The following FARS2 variants were observed in gnomAD, a reference collection of about 807,000 sequenced individuals.
FARS2 encodes the protein phenylalanyl-tRNA synthetase 2, mitochondrial.
Under a neutral mutation model 46.4 loss-of-function variants are expected in FARS2, and 40 were observed. The ratio of observed to expected loss-of-function variants is 0.86; its 90% CI spans 0.67 to 1.12. The LOEUF is 1.12. FARS2 is among the 50% of genes most tolerant of loss of function. The pLI is 0.00. For synonymous variants in FARS2, 234 were observed against 214.9 expected (o/e 1.09, Z -0.78); for missense variants, 513 against 567.9 (o/e 0.90, Z 0.98).
chr6:5,676,769 T>C (rs1330466158), intron 6 of FARS2, among the ~76,000 whole-genome samples: 1 of 152,230 alleles, frequency 6.6e-6, no homozygotes, highest in African/African-American at 2.4e-5. Context: ...AAAATCTTGG[T>C]AGTCAATCTC....
intron 2 of FARS2, among the ~76,000 whole-genome samples, chr6:5,370,471 G>A (rs1238191612): frequency 6.6e-6 from 1 of 152,078 alleles, no homozygotes; most frequent in East Asian, 1.9e-4. Context: ...GATGAATAAA[G>A]ACAGGTCAAA....
chr6:5,531,862 G>A (rs1216791234), intron 4 of FARS2, among the ~76,000 whole-genome samples: 1 of 152,116 alleles, frequency 6.6e-6, no homozygotes, highest in African/African-American at 2.4e-5. Flanking sequence ...ACCTTTCTAG[G>A]CCTGCTTCTG....
chr6:5,742,288 C>G (rs1164731677), intron 6 of FARS2, among the ~76,000 whole-genome samples: 2 of 152,220 alleles, frequency 1.3e-5, no homozygotes, highest in Non-Finnish European at 2.9e-5. Flanking sequence ...GCTTAACTCC[C>G]ATCTCTTACT....
At chr6:5,609,368 T>C (rs746070588) in intron 5 of FARS2, 123 of 1,261,268 alleles carry the variant, frequency 9.8e-5, no homozygotes, top group Non-Finnish European at 1.3e-4. Context: ...CCTTCATGGG[T>C]CCAAAATTTG....
chr6:5,736,616 A>G (rs1227183004), intron 6 of FARS2, among the ~76,000 whole-genome samples: 1 of 152,172 alleles, frequency 6.6e-6, no homozygotes, highest in East Asian at 1.9e-4. Flanking sequence ...AGCTCAACTG[A>G]TAGTAGTTTA....
chr6:5,693,971 A>C lies in FARS2; in HGVS notation c.1218-77320A>C, dbSNP rs139929123. Among the ~76,000 whole-genome samples, 875 of 152,334 alleles carry C rather than the reference A, an allele frequency of 5.7e-3. 11 individuals are homozygous for C. The highest frequency in any genetic ancestry group is 0.02 in the African/African-American group (842 of 41,570). ...TCCACCGCCCTCTACTAGCGGGAGC[A>C]GTCATAAAAGCCCACCCATTTTCAA... On this transcript the variant is annotated intron_variant, in intron 6 of 6. Transcript: ENST00000274680.
intron 1 of FARS2, among the ~76,000 whole-genome samples, chr6:5,292,531 A>G (rs1429847945): frequency 1.3e-5 from 2 of 152,336 alleles, no homozygotes; most frequent in East Asian, 3.9e-4. Context: ...GAAGAGAAGG[A>G]AGACTAAAGG....
At position 5,743,481 on chromosome 6, in the gene FARS2, G is replaced by A. The variant is rs545251217; in HGVS notation, c.1218-27810G>A. On this transcript the variant is annotated intron_variant, in intron 6 of 6. Transcript: ENST00000274680. Reference sequence around the variant, plus strand: ...TACAGGAGCACTTCCTAGTTTTGTCGTCCCTTTGCAACTGTATAGAACAGC... The same window carrying A: ...TACAGGAGCACTTCCTAGTTTTGTCATCCCTTTGCAACTGTATAGAACAGC... 3.0e-4 allele frequency among the ~76,000 whole-genome samples: 45 copies of A among 152,304 alleles called. 1 individual carries two copies. The South Asian group carries it at 8.7e-3, about 29-fold the overall frequency.
rs372724634 is a variant in FARS2 at position 5,437,743 on chromosome 6, AT to A, written c.904+6573del. On this transcript the variant is annotated intron_variant, in intron 4 of 6. Transcript: ENST00000274680. ...ATCTACATACATTGAAAACCTCGTG[AT>A]TCAATGTTACACTTTTCCTTTAAGG... is the stretch of plus-strand genomic sequence containing the variant. Among the ~76,000 whole-genome samples, 60 of 152,202 alleles carry A rather than the reference AT, an allele frequency of 3.9e-4. 1 individual carries two copies. The highest frequency in any genetic ancestry group is 1.4e-3 in the African/African-American group (59 of 41,552).
intron 2 of FARS2, among the ~76,000 whole-genome samples, chr6:5,370,046 G>A (rs548790835): frequency 6.6e-6 from 1 of 152,150 alleles, no homozygotes; most frequent in African/African-American, 2.4e-5. Flanking sequence ...TACTTCCTTA[G>A]CAATGTCCCT....
chr6:5,529,703 G>A (rs1769701447), intron 4 of FARS2, among the ~76,000 whole-genome samples: 1 of 152,200 alleles, frequency 6.6e-6, no homozygotes, highest in Non-Finnish European at 1.5e-5. Flanking sequence ...GCTTCTCACA[G>A]CCTTTTTAAT....
chr6:5,387,147 T>A (rs1288965866), intron 2 of FARS2, among the ~76,000 whole-genome samples: 2 of 152,152 alleles, frequency 1.3e-5, no homozygotes, highest in African/African-American at 4.8e-5. Context: ...ACCGTTTGTT[T>A]AAAGGAAAGA....
intron 6 of FARS2, among the ~76,000 whole-genome samples, chr6:5,683,346 G>A (rs1262427934): frequency 6.6e-6 from 1 of 152,186 alleles, no homozygotes; most frequent in Non-Finnish European, 1.5e-5. Context: ...AAGTGAGCAG[G>A]TGAATAGTGA....
intron 4 of FARS2, among the ~76,000 whole-genome samples, chr6:5,505,652 C>G (rs905305325): frequency 1.3e-5 from 2 of 152,166 alleles, no homozygotes; most frequent in South Asian, 2.1e-4. Flanking sequence ...CCTGACTTCC[C>G]GCAACATACT....
At chr6:5,618,021 G>C (rs778288898) in intron 6 of FARS2, among the ~76,000 whole-genome samples, 1 of 152,166 alleles carries the variant, frequency 6.6e-6, no homozygotes, top group Non-Finnish European at 1.5e-5. Flanking sequence ...GACGTTGTGG[G>C]TCATAAGATT....
At chr6:5,287,918 G>A (rs1767237703) in intron 1 of FARS2, among the ~76,000 whole-genome samples, 1 of 152,148 alleles carries the variant, frequency 6.6e-6, no homozygotes, top group Admixed American at 6.5e-5. Flanking sequence ...CTGGGGATGA[G>A]GAAAACAGTC....
intron 5 of FARS2, among the ~76,000 whole-genome samples, chr6:5,549,210 C>T (rs1167170582): frequency 3.3e-5 from 5 of 149,976 alleles, no homozygotes; most frequent in Non-Finnish European, 7.4e-5. Flanking sequence ...ACTTTAAGTT[C>T]TAGGGTACAT....
intron 6 of FARS2, among the ~76,000 whole-genome samples, chr6:5,620,284 G>A (rs1487058952): frequency 2.0e-5 from 3 of 152,144 alleles, no homozygotes; most frequent in Non-Finnish European, 4.4e-5. Context: ...ATTGCCCCCA[G>A]TTTGAGAACC....
At chr6:5,322,632 C>T (rs1770062167) in intron 1 of FARS2, among the ~76,000 whole-genome samples, 1 of 152,136 alleles carries the variant, frequency 6.6e-6, no homozygotes, top group Non-Finnish European at 1.5e-5. Context: ...TCCTGGAGGG[C>T]TCATCTTCTT....
Sources: gnomAD v4.1 joint callset for allele counts (sites outside exome capture counted in the v4.1 genomes callset) on GRCh38, gnomAD v4.1.1 for gene constraint, MANE v1.5 for transcripts, NCBI Gene and HGNC (gene_info 2026-07-23, HGNC 2026-07-21) for gene names.